Variants in PURA observed in about 807,000 individuals in gnomAD.
PURA encodes purine rich element binding protein A.
A neutral mutation model predicts 23.1 loss-of-function variants in PURA; 2 were observed. The ratio of observed to expected loss-of-function variants is 0.09; its 90% CI spans 0.04 to 0.27. The LOEUF is 0.27. PURA is among the 10% of genes least tolerant of loss of function. The probability of loss-of-function intolerance (pLI) is 1.00; values close to 1 mark genes in which losing one functional copy is unlikely to be tolerated. For missense variants in PURA, 187 were observed against 449.7 expected, an observed-to-expected ratio of 0.42 and a Z score of 5.28; for synonymous variants, 254 against 205.9, an observed-to-expected ratio of 1.23 and a Z score of -2.00.
rs1345029034 is a variant in PURA at position 140,118,594 on chromosome 5, G to A, written c.*3444G>A. On this transcript the variant is annotated 3_prime_UTR_variant, in exon 1 of 1. Coordinates refer to ENST00000331327, the MANE Select transcript of PURA (RefSeq NM_005859.5). ...GGAAGTTCATAAGAAAAGCCATGTC[G>A]GCTTTTCCTCTACTAGATACAGATT... 5 of 166,774 alleles carry A rather than the reference G, an allele frequency of 3.0e-5. No homozygotes were observed. In the East Asian group the frequency reaches 5.8e-4, roughly 19 times the overall value. The allele number at this position is 166,774 out of a possible 1,614,324, so 10.3% of individuals were successfully genotyped here. A position where few individuals can be genotyped will look rare whatever the true frequency, so the allele number is the denominator to read the frequency against.
Position 140,115,169 on chromosome 5 carries a change from C to G in PURA, c.*19C>G, listed in dbSNP as rs745382368. 4.4e-6 allele frequency: 6 copies of G among 1,376,114 alleles called. No homozygotes were observed. The highest frequency in any genetic ancestry group is 5.9e-6 in the Non-Finnish European group (6 of 1,014,886). 85.2% of individuals were successfully genotyped at this position (1,376,114 alleles called of 1,614,324 possible). On this transcript the variant is annotated 3_prime_UTR_variant, in exon 1 of 1. Coordinates refer to ENST00000331327, the MANE Select transcript of PURA (RefSeq NM_005859.5). This position sits in a 1 kb window ranked among gnomAD's most constrained non-coding sequence, Gnocchi z 4.1. ...AGATTGATCAAACTGAATGAAACCC[C>G]CACACACACACACATGCATACACAC... is the stretch of plus-strand genomic sequence containing the variant.
At position 140,116,014 on chromosome 5, in the gene PURA, T is replaced by C. The variant is rs1303888872; in HGVS notation, c.*864T>C. The C allele has an allele frequency of 3.0e-5, 5 of 167,100 alleles. No individual in the cohort carries two copies. Among genetic ancestry groups the C allele is most frequent in the Admixed American group, 6.5e-5 (1 of 15,286 alleles). 10.4% of individuals were successfully genotyped at this position (167,100 alleles called of 1,614,324 possible). On this transcript the variant is annotated 3_prime_UTR_variant, in exon 1 of 1. Coordinates refer to ENST00000331327, the MANE Select transcript of PURA (RefSeq NM_005859.5). ...ATTTTTATGGTTGGAACCAAAGTTA[T>C]TCAAATAGTAAAAGGAAAAAGAAAG... is the stretch of plus-strand genomic sequence containing the variant.
In PURA at chr5:140,115,168, C is replaced by T. The variant is rs1054922771; in HGVS notation, c.*18C>T. The T allele has an allele frequency of 3.9e-5, 55 of 1,416,322 alleles. No homozygotes were observed. Among genetic ancestry groups the T allele is most frequent in the South Asian group, 6.9e-5 (5 of 72,736 alleles). The allele number at this position is 1,416,322 out of a possible 1,614,324, so 87.7% of individuals were successfully genotyped here. A position where few individuals can be genotyped will look rare whatever the true frequency, so the allele number is the denominator to read the frequency against. On this transcript the variant is annotated 3_prime_UTR_variant, in exon 1 of 1. Transcript: ENST00000331327. This position sits in a 1 kb window ranked among gnomAD's most constrained non-coding sequence, Gnocchi z 4.1. ...AAGATTGATCAAACTGAATGAAACCCCCACACACACACACATGCATACACA... is the reference window on the plus strand; with the variant it reads ...AAGATTGATCAAACTGAATGAAACCTCCACACACACACACATGCATACACA...
At position 140,114,310 on chromosome 5, in the gene PURA, T is replaced by C; in HGVS notation, c.129T>C (p.Ser43=). The change falls in exon 1 of 1, where the codon AGT becomes AGC. Residue 43 remains serine (S), a synonymous_variant. Coordinates refer to ENST00000331327, the MANE Select transcript of PURA (RefSeq NM_005859.5). Reference sequence around the variant, plus strand: ...GTGGCGGCGGGGGCGGCGGCGGCAGTGGCGGCGGCGGCGGCGGGGCCCCAG... The same window carrying C: ...GTGGCGGCGGGGGCGGCGGCGGCAGCGGCGGCGGCGGCGGCGGGGCCCCAG... ...GGGGGGGGGG[S]GGGGGGAPGG... is the part of the protein sequence containing the mutation. 1 of 1,291,058 alleles carries C rather than the reference T, an allele frequency of 7.7e-7. No homozygotes were observed. Among genetic ancestry groups the C allele is most frequent in the Non-Finnish European group, 9.7e-7 (1 of 1,027,814 alleles). The allele number at this position is 1,291,058 out of a possible 1,614,324, so 80.0% of individuals were successfully genotyped here.
In PURA at chr5:140,114,240, C is replaced by A. The variant is rs1210044420; in HGVS notation, c.59C>A (p.Ser20Tyr). ...QGGAALGSGG[S>Y]LGHPGSGSGS... ...GGTGCGGCGCTGGGTTCGGGCGGCT[C>A]CCTGGGGCACCCCGGCTCGGGCTCA... Residue 20 changes from serine (S) to tyrosine (Y), a missense_variant, in exon 1 of 1, where the codon TCC becomes TAC. Physicochemically the swap from Ser to Tyr is moderately radical, Grantham distance 144. Transcript: ENST00000331327. The A allele has an allele frequency of 8.5e-7, 1 of 1,174,626 alleles. No individual in the cohort carries two copies. The highest frequency in any genetic ancestry group is 1.1e-6 in the Non-Finnish European group (1 of 949,724). 72.8% of individuals were successfully genotyped at this position (1,174,626 alleles called of 1,614,324 possible).
At position 140,114,571 on chromosome 5, in the gene PURA, G is replaced by C. The variant is rs771038985; in HGVS notation, c.390G>C (p.Pro130=). 8 of 1,602,690 alleles carry C rather than the reference G, an allele frequency of 5.0e-6. No individual in the cohort carries two copies. In the Admixed American group the frequency reaches 6.8e-5, roughly 14 times the overall value. ...HYAQLGPSQP[P]DLAQAQDEPR... ...CGCAGCTGGGCCCCAGCCAGCCGCC[G>C]GACCTGGCCCAGGCGCAGGACGAGC... is the stretch of plus-strand genomic sequence containing the variant. Residue 130 remains proline (P), a synonymous_variant, in exon 1 of 1, where the codon CCG becomes CCC. Coordinates refer to ENST00000331327, the MANE Select transcript of PURA (RefSeq NM_005859.5).
At position 140,114,317 on chromosome 5, in the gene PURA, G is replaced by A. The variant is rs1763039354; in HGVS notation, c.136G>A (p.Gly46Ser). Residue 46 changes from glycine (G) to serine (S), a missense_variant, in exon 1 of 1, where the codon GGC (glycine) becomes AGC (serine). By Grantham distance (56) the Gly-to-Ser change is moderately conservative. This residue lies in a region of PURA where 27 missense variants were observed against 55.2 expected (regional missense o/e 0.49). Coordinates refer to ENST00000331327, the MANE Select transcript of PURA (RefSeq NM_005859.5). ...CGGGGGCGGCGGCGGCAGTGGCGGC[G>A]GCGGCGGCGGGGCCCCAGGGGGGCT... The part of the protein sequence containing the change: ...GGGGGGGSGG[G>S]GGGAPGGLQH... The A allele has an allele frequency of 2.3e-6, 3 of 1,327,410 alleles. No homozygotes were observed. Among genetic ancestry groups the A allele is most frequent in the Non-Finnish European group, 2.9e-6 (3 of 1,046,378 alleles). 82.2% of individuals were successfully genotyped at this position (1,327,410 alleles called of 1,614,324 possible).
In PURA at chr5:140,118,856, A is replaced by G. The variant is rs1049969167; in HGVS notation, c.*3706A>G. 2 of 166,808 alleles carry G rather than the reference A, an allele frequency of 1.2e-5. No homozygotes were observed. The highest frequency in any genetic ancestry group is 1.3e-4 in the Admixed American group (2 of 15,264). 10.3% of individuals were successfully genotyped at this position (166,808 alleles called of 1,614,324 possible). ...CATCTAGAGAGATGGATAACTTCCAATTTGATTTTTCAGGTAATAGAGAAA... is the reference window on the plus strand; with the variant it reads ...CATCTAGAGAGATGGATAACTTCCAGTTTGATTTTTCAGGTAATAGAGAAA... On this transcript the variant is annotated 3_prime_UTR_variant, in exon 1 of 1. Coordinates refer to ENST00000331327, the MANE Select transcript of PURA (RefSeq NM_005859.5).
Position 140,123,828 on chromosome 5 carries a change from A to G in PURA, c.*8678A>G, listed in dbSNP as rs1763177045. On this transcript the variant is annotated 3_prime_UTR_variant, in exon 1 of 1. Coordinates refer to ENST00000331327, the MANE Select transcript of PURA (RefSeq NM_005859.5). ...ACTGAAGTCAGTGAGATAGGAGTCTAGCTGGGTACATGCTTAAAAAGCTGG... is the reference window on the plus strand; with the variant it reads ...ACTGAAGTCAGTGAGATAGGAGTCTGGCTGGGTACATGCTTAAAAAGCTGG... The G allele has an allele frequency of 6.0e-6, 1 of 167,204 alleles. No individual in the cohort carries two copies. Among genetic ancestry groups the G allele is most frequent in the Non-Finnish European group, 1.5e-5 (1 of 68,096 alleles). 10.4% of individuals were successfully genotyped at this position (167,204 alleles called of 1,614,324 possible). A position where few individuals can be genotyped will look rare whatever the true frequency, so the allele number is the denominator to read the frequency against.
In PURA at chr5:140,115,312, T is replaced by C; in HGVS notation, c.*162T>C. On this transcript the variant is annotated 3_prime_UTR_variant, in exon 1 of 1. Transcript: ENST00000331327. The surrounding 1 kb of genome is among the most constrained non-coding windows in gnomAD (Gnocchi z 4.1). ...CCAAGGGAGCACCACCCACAGAACC[T>C]CCACCAACTGACAGTTTCTCTTCTT... 1 of 477,604 alleles carries C rather than the reference T, an allele frequency of 2.1e-6. No individual in the cohort carries two copies. The highest frequency in any genetic ancestry group is 3.6e-6 in the Non-Finnish European group (1 of 274,178). The allele number at this position is 477,604 out of a possible 1,614,324, so 29.6% of individuals were successfully genotyped here. A position where few individuals can be genotyped will look rare whatever the true frequency, so the allele number is the denominator to read the frequency against.
In PURA at chr5:140,118,570, G is replaced by A. The variant is rs1763115663; in HGVS notation, c.*3420G>A. 6.0e-6 allele frequency: 1 copy of A among 166,860 alleles called. No individual in the cohort carries two copies. Among genetic ancestry groups the A allele is most frequent in the Non-Finnish European group, 1.5e-5 (1 of 68,020 alleles). 10.3% of individuals were successfully genotyped at this position (166,860 alleles called of 1,614,324 possible). On this transcript the variant is annotated 3_prime_UTR_variant, in exon 1 of 1. Coordinates refer to ENST00000331327, the MANE Select transcript of PURA (RefSeq NM_005859.5). ...ATTATACATGCCTTTGACAACAAAG[G>A]AAGTTCATAAGAAAAGCCATGTCGG...
In PURA at chr5:140,115,134, A is replaced by G. The variant is rs1428846544; in HGVS notation, c.953A>G (p.Glu318Gly). The change falls in exon 1 of 1, where the codon GAA (glutamate) becomes GGA (glycine). Residue 318 changes from glutamate to glycine, a missense_variant. By Grantham distance (98) the Glu-to-Gly change is moderately conservative. Around this residue, in one of 9 missense-constraint regions of PURA, gnomAD observed 65 missense variants for 158.6 expected, o/e 0.41. Transcript: ENST00000331327. The surrounding 1 kb of genome is among the most constrained non-coding windows in gnomAD (Gnocchi z 4.1). ...ACCCTGCTACTGCAGGGTGAGGAAGAAGGGGAAGAAGATTGATCAAACTGA... is the reference window on the plus strand; with the variant it reads ...ACCCTGCTACTGCAGGGTGAGGAAGGAGGGGAAGAAGATTGATCAAACTGA... ...AATLLLQGEE[E>G]GEED 1 of 1,558,538 alleles carries G rather than the reference A, an allele frequency of 6.4e-7. No individual in the cohort carries two copies. Among genetic ancestry groups the G allele is most frequent in the East Asian group, 2.3e-5 (1 of 43,088 alleles).
Position 140,115,180 on chromosome 5 carries a change from CACAT to C in PURA, c.*31_*34del. On this transcript the variant is annotated 3_prime_UTR_variant, in exon 1 of 1. Transcript: ENST00000331327. The surrounding 1 kb of genome is among the most constrained non-coding windows in gnomAD (Gnocchi z 4.1). ...ACTGAATGAAACCCCCACACACACA[CACAT>C]GCATACACACACACACACAGCCACA... The C allele has an allele frequency of 1.7e-6, 2 of 1,198,122 alleles. No homozygotes were observed. The highest frequency in any genetic ancestry group is 2.3e-6 in the Non-Finnish European group (2 of 859,428). The allele number at this position is 1,198,122 out of a possible 1,614,324, so 74.2% of individuals were successfully genotyped here.
rs1248383793 is a variant in PURA, at chr5:140,117,290, A to T, written c.*2140A>T. The T allele has an allele frequency of 6.0e-6, 1 of 166,986 alleles. No homozygotes were observed. The highest frequency in any genetic ancestry group is 1.5e-5 in the Non-Finnish European group (1 of 68,092). 10.3% of individuals were successfully genotyped at this position (166,986 alleles called of 1,614,324 possible). A position where few individuals can be genotyped will look rare whatever the true frequency, so the allele number is the denominator to read the frequency against. Reference sequence around the variant, plus strand: ...TGCATTTTTCTTATTTCCATATAGTAAAGTTGAGCTTTTACAGTGCATAAT... The same window carrying T: ...TGCATTTTTCTTATTTCCATATAGTTAAGTTGAGCTTTTACAGTGCATAAT... On this transcript the variant is annotated 3_prime_UTR_variant, in exon 1 of 1. Coordinates refer to ENST00000331327, the MANE Select transcript of PURA (RefSeq NM_005859.5).
chr5:140,114,826 G>T lies in PURA; in HGVS notation c.645G>T (p.Pro215=). 1 of 1,614,174 alleles carries T rather than the reference G, an allele frequency of 6.2e-7. No individual in the cohort carries two copies. The highest frequency in any genetic ancestry group is 8.5e-7 in the Non-Finnish European group (1 of 1,180,014). ...ACGACTACGGAGTGGAGGAGGAGCCGGCCGAGCTGCCCGAGGGCACCTCCT... is the reference window on the plus strand; with the variant it reads ...ACGACTACGGAGTGGAGGAGGAGCCTGCCGAGCTGCCCGAGGGCACCTCCT... The part of the protein sequence containing the change: ...LIDDYGVEEE[P]AELPEGTSLT... Residue 215 remains proline (P), a synonymous_variant, in exon 1 of 1, where the codon CCG becomes CCT. Transcript: ENST00000331327.
In PURA at chr5:140,120,762, A is replaced by G. The variant is rs1448888066; in HGVS notation, c.*5612A>G. 1.2e-5 allele frequency: 2 copies of G among 166,898 alleles called. No homozygotes were observed. The highest frequency in any genetic ancestry group is 2.9e-5 in the Non-Finnish European group (2 of 67,988). 10.3% of individuals were successfully genotyped at this position (166,898 alleles called of 1,614,324 possible). ...GCTAACTACCAAGTTTTGATGTTGA[A>G]TGGTCCAGGCAATTTATGTCTTTAG... On this transcript the variant is annotated 3_prime_UTR_variant, in exon 1 of 1. Coordinates refer to ENST00000331327, the MANE Select transcript of PURA (RefSeq NM_005859.5).
chr5:140,121,944 C>G lies in PURA; in HGVS notation c.*6794C>G, dbSNP rs928904649. 3 of 166,494 alleles carry G rather than the reference C, an allele frequency of 1.8e-5. No individual in the cohort carries two copies. The highest frequency in any genetic ancestry group is 7.3e-5 in the African/African-American group (3 of 41,296). The allele number at this position is 166,494 out of a possible 1,614,324, so 10.3% of individuals were successfully genotyped here. A position where few individuals can be genotyped will look rare whatever the true frequency, so the allele number is the denominator to read the frequency against. ...GGAAATAAAGTGAGAGGAATTTTTA[C>G]TAGAGGTAGGAAAAGGTACTATGAT... On this transcript the variant is annotated 3_prime_UTR_variant, in exon 1 of 1. Transcript: ENST00000331327.
Position 140,114,412 on chromosome 5 carries a change from G to A in PURA, c.231G>A (p.Val77=). The A allele has an allele frequency of 1.9e-6, 3 of 1,612,922 alleles. No homozygotes were observed. Among genetic ancestry groups the A allele is most frequent in the Non-Finnish European group, 2.5e-6 (3 of 1,179,816 alleles). ...AGAACAAGCGCTTCTACCTGGACGT[G>A]AAGCAGAACGCCAAGGGCCGCTTCC... The part of the protein sequence containing the change: ...DIQNKRFYLD[V]KQNAKGRFLK... Residue 77 remains valine (V), a synonymous_variant, in exon 1 of 1, where the codon GTG becomes GTA. Coordinates refer to ENST00000331327, the MANE Select transcript of PURA (RefSeq NM_005859.5).
At position 140,114,332 on chromosome 5, in the gene PURA, C is replaced by T. The variant is rs1338835248; in HGVS notation, c.151C>T (p.Pro51Ser). 1.4e-6 allele frequency: 2 copies of T among 1,453,000 alleles called. No homozygotes were observed. Among genetic ancestry groups the T allele is most frequent in the Admixed American group, 2.2e-5 (1 of 44,574 alleles). The allele number at this position is 1,453,000 out of a possible 1,614,324, so 90.0% of individuals were successfully genotyped here. Residue 51 changes from proline (P) to serine (S), a missense_variant, in exon 1 of 1, where the codon CCA becomes TCA. Around this residue, in one of 9 missense-constraint regions of PURA, gnomAD observed 27 missense variants for 55.2 expected, o/e 0.49. Coordinates refer to ENST00000331327, the MANE Select transcript of PURA (RefSeq NM_005859.5). ...GGSGGGGGGA[P>S]GGLQHETQEL... ...CAGTGGCGGCGGCGGCGGCGGGGCC[C>T]CAGGGGGGCTGCAGCACGAGACGCA...
Sources: allele counts gnomAD v4.1 joint callset, GRCh38; gene constraint gnomAD v4.1.1; regional missense constraint gnomAD v4.1.1; non-coding constraint Gnocchi (gnomAD v3.1); transcripts MANE v1.5; gene names NCBI Gene and HGNC (gene_info 2026-07-23, HGNC 2026-07-21).